The following SGSM2 variants were observed in gnomAD, a reference collection of about 807,000 sequenced individuals.
SGSM2 encodes RUN and TBC1 domain containing 1.
In SGSM2, 89 loss-of-function variants were observed where a neutral mutation model predicts 126.6. That is an observed-to-expected ratio of 0.70 (90% CI 0.59 to 0.84). SGSM2 has a LOEUF of 0.84. Among genes scored for constraint, SGSM2 ranks in the 40% least tolerant of loss-of-function variants. SGSM2 has a pLI of 0.00. For missense variants in SGSM2, 1,404 were observed against 1,416.6 expected, an observed-to-expected ratio of 0.99 and a Z score of 0.14; for synonymous variants, 614 against 574.3, an observed-to-expected ratio of 1.07 and a Z score of -0.99.
chr17:2,342,004 C>T (rs115240621), intron 1 of SGSM2, among the ~76,000 whole-genome samples: 12 of 152,172 alleles, frequency 7.9e-5, no homozygotes, highest in Non-Finnish European at 1.2e-4. Context: ...ACAACGCGCA[C>T]GGAGAATGAA....
In SGSM2 at chr17:2,371,268, G is replaced by A. The variant is rs746718894; in HGVS notation, c.1430G>A (p.Gly477Asp). The change falls in exon 13 of 24, where the codon GGT becomes GAT. Residue 477 changes from glycine to aspartate, a missense_variant. Coordinates refer to ENST00000268989, the MANE Select transcript of SGSM2 (RefSeq NM_014853.3). ...CCACCCTTCCTGCCCGCAGACGCTG[G>A]TGACATGATCGAGATGCAGGGCTTT... Reference protein sequence around the residue: ...LTAPNPMKDAGDMIEMQGFGP... With the variant: ...LTAPNPMKDADDMIEMQGFGP... 2 of 1,611,454 alleles carry A rather than the reference G, an allele frequency of 1.2e-6. No homozygotes were observed. The highest frequency in any genetic ancestry group is 8.5e-7 in the Non-Finnish European group (1 of 1,179,788).
At chr17:2,351,247 A>G (rs9910250) in intron 2 of SGSM2, among the ~76,000 whole-genome samples, 16,183 of 151,352 alleles carry the variant, frequency 0.11, 1,548 homozygotes, top group African/African-American at 0.25. Context: ...ATCGAGACTC[A>G]GTCTCAAAAA....
intron 9 of SGSM2, 42 bp from the exon 10 acceptor site, chr17:2,364,855 C>A: frequency 6.3e-7 from 1 of 1,595,342 alleles, no homozygotes; most frequent in African/African-American, 1.3e-5. Flanking sequence ...GTGTGATAGC[C>A]GACGAGAGGG....
chr17:2,344,418 G>A (rs1281030325), intron 2 of SGSM2, among the ~76,000 whole-genome samples: 1 of 152,140 alleles, frequency 6.6e-6, no homozygotes, highest in Non-Finnish European at 1.5e-5. Context: ...TCTGAGATTG[G>A]TGTTGGGGTT....
intron 2 of SGSM2, among the ~76,000 whole-genome samples, chr17:2,360,552 C>T (rs2065266049): frequency 6.6e-6 from 1 of 152,210 alleles, no homozygotes; most frequent in South Asian, 2.1e-4. Flanking sequence ...AGACCCAGCA[C>T]CTCCTGAGAG....
chr17:2,375,337 G>A, intron 17 of SGSM2, 155 bp from the exon 18 acceptor site: 1 of 922,498 alleles, frequency 1.1e-6, no homozygotes, highest in Non-Finnish European at 1.6e-6. Flanking sequence ...TGGGTCAGAA[G>A]CTGGCTTGGT....
At chr17:2,354,339 C>T (rs890715480) in intron 2 of SGSM2, among the ~76,000 whole-genome samples, 4 of 152,296 alleles carry the variant, frequency 2.6e-5, no homozygotes, top group South Asian at 2.1e-4. Context: ...TGAGCCACCG[C>T]GCCCAGCCAA....
At chr17:2,341,213 G>GTTCAAGTGA (rs141811121) in intron 1 of SGSM2, among the ~76,000 whole-genome samples, 3,715 of 152,198 alleles carry the variant, frequency 0.024, 152 homozygotes, top group African/African-American at 0.086. Flanking sequence ...CTGCCTCCGG[G>GTTCAAGTGA]TTCAAGTGAT....
At chr17:2,357,192 C>T (rs2065122724) in intron 2 of SGSM2, among the ~76,000 whole-genome samples, 1 of 152,028 alleles carries the variant, frequency 6.6e-6, no homozygotes, top group Admixed American at 6.6e-5. Context: ...TGGCTCCAGA[C>T]CTTTGTAGGG....
At chr17:2,377,261 G>A (rs984908925) in intron 21 of SGSM2, 193 bp downstream of exon 21, 63 of 544,394 alleles carry the variant, frequency 1.2e-4, no homozygotes, top group Non-Finnish European at 1.5e-4. Context: ...CGAGGCAGGC[G>A]GATCACGAAG....
In SGSM2 at chr17:2,337,856, C is replaced by A; in HGVS notation, c.57+111C>A. 1.6e-6 allele frequency: 1 copy of A among 613,484 alleles called. No individual in the cohort carries two copies. 38.0% of individuals were successfully genotyped at this position (613,484 alleles called of 1,614,324 possible). A position where few individuals can be genotyped will look rare whatever the true frequency, so the allele number is the denominator to read the frequency against. ...GCGGGCACCCGGGCCGAACCTGGGC[C>A]GGGCGGGGCGGGTCCTGGACGGGCT... is the stretch of plus-strand genomic sequence containing the variant. On this transcript the variant is annotated intron_variant, in intron 1 of 23. Transcript: ENST00000268989. This position sits in a 1 kb window ranked among gnomAD's most constrained non-coding sequence, Gnocchi z 5.1.
intron 13 of SGSM2, 79 bp downstream of exon 13, chr17:2,371,494 G>T (rs2065870211): frequency 1.3e-6 from 2 of 1,486,308 alleles, no homozygotes; most frequent in African/African-American, 1.4e-5. Flanking sequence ...TAAAGGCCGT[G>T]TCACCTGCAC....
In SGSM2 at chr17:2,364,993, G is replaced by C. The variant is rs988160132; in HGVS notation, c.1097G>C (p.Cys366Ser). ...GGACACCTGCTGTCCTTTCTGTCCTGTCTGGAGAATGGGCTGCTGCCTCGG... is the reference window on the plus strand; with the variant it reads ...GGACACCTGCTGTCCTTTCTGTCCTCTCTGGAGAATGGGCTGCTGCCTCGG... ...QGGHLLSFLS[C>S]LENGLLPRGQ... Residue 366 changes from cysteine (C) to serine (S), a missense_variant, in exon 10 of 24, where the codon TGT becomes TCT. Coordinates refer to ENST00000268989, the MANE Select transcript of SGSM2 (RefSeq NM_014853.3). 1.2e-6 allele frequency: 2 copies of C among 1,613,598 alleles called. No homozygotes were observed. Among genetic ancestry groups the C allele is most frequent in the Non-Finnish European group, 1.7e-6 (2 of 1,179,986 alleles).
rs377417816 is a variant in SGSM2 at position 2,375,609 on chromosome 17, C to T, written c.2218C>T (p.Gln740Ter). 77 of 1,613,902 alleles carry T rather than the reference C, an allele frequency of 4.8e-5. No homozygotes were observed. Among genetic ancestry groups the T allele is most frequent in the Non-Finnish European group, 6.0e-5 (71 of 1,180,038 alleles). The change falls in exon 18 of 24, where the codon CAG becomes TAG. Residue 740 changes from glutamine to a stop codon, truncating the protein, a stop_gained. Coordinates refer to ENST00000268989, the MANE Select transcript of SGSM2 (RefSeq NM_014853.3). LOFTEE classifies it high-confidence loss of function. Reference protein sequence around the residue: ...GTPGTAVVEQQHSVEFDSPDS... With the variant: ...GTPGTAVVEQ ...TCCGGGCACCGCCGTGGTGGAGCAG[C>T]AGCATTCCGTGGAGTTCGACTCTCC... is the stretch of plus-strand genomic sequence containing the variant.
chr17:2,339,670 T>C (rs1267391037), intron 1 of SGSM2, among the ~76,000 whole-genome samples: 1 of 145,520 alleles, frequency 6.9e-6, no homozygotes, highest in Admixed American at 7.1e-5. Flanking sequence ...ATCGTGCCAC[T>C]GCACTCCAGC....
intron 12 of SGSM2, among the ~76,000 whole-genome samples, chr17:2,368,103 G>A (rs1336523337): frequency 3.9e-5 from 6 of 152,330 alleles, no homozygotes; most frequent in Admixed American, 2.6e-4. Context: ...CCGGAGCTCC[G>A]TCTCTTCACC....
chr17:2,375,577 C>T lies in SGSM2; in HGVS notation c.2186C>T (p.Pro729Leu), dbSNP rs781543147. The change falls in exon 18 of 24, where the codon CCC becomes CTC. Residue 729 changes from proline (P) to leucine (L), a missense_variant. Physicochemically the swap from Pro to Leu is moderately conservative, Grantham distance 98. Transcript: ENST00000268989. ...SRPKPEQEAGPGTPGTAVVEQ... is the reference protein window; with the variant it reads ...SRPKPEQEAGLGTPGTAVVEQ... ...CCAAAACCTGAGCAGGAAGCAGGAC[C>T]CGGGACTCCGGGCACCGCCGTGGTG... The T allele has an allele frequency of 6.2e-7, 1 of 1,613,918 alleles. No individual in the cohort carries two copies. The highest frequency in any genetic ancestry group is 8.5e-7 in the Non-Finnish European group (1 of 1,180,014).
intron 2 of SGSM2, among the ~76,000 whole-genome samples, chr17:2,358,530 G>A (rs994615241): frequency 6.6e-6 from 1 of 152,128 alleles, no homozygotes; most frequent in African/African-American, 2.4e-5. Flanking sequence ...GCAACATAGT[G>A]AGACCTCAGT....
intron 1 of SGSM2, among the ~76,000 whole-genome samples, chr17:2,341,120 TTTTGTTTG>T (rs565315982): frequency 4.6e-3 from 693 of 152,074 alleles, no homozygotes; most frequent in Non-Finnish European, 7.4e-3. Flanking sequence ...AGGAAGTTTT[TTTTGTTTG>T]TTTGTTTGTT....
Sources: gnomAD v4.1 joint callset for allele counts (sites outside exome capture counted in the v4.1 genomes callset) on GRCh38, gnomAD v4.1.1 for gene constraint, Gnocchi (gnomAD v3.1) non-coding constraint, MANE v1.5 for transcripts, NCBI Gene and HGNC (gene_info 2026-07-23, HGNC 2026-07-21) for gene names.